CAPRIN2: variants seen among roughly 807,000 people sequenced by gnomAD.
The protein encoded by CAPRIN2 is caprin family member 2, also known as caprin-2.
A neutral mutation model predicts 130.4 loss-of-function variants in CAPRIN2; 66 were observed. The ratio of observed to expected loss-of-function variants is 0.51; its 90% CI spans 0.42 to 0.62. The LOEUF (loss-of-function observed/expected upper bound fraction) is 0.62, where lower values mean the gene tolerates loss of function less well. Among genes scored for constraint, CAPRIN2 ranks in the 20% least tolerant of loss-of-function variants. CAPRIN2 has a pLI of 0.00. For missense variants in CAPRIN2, 1,185 were observed against 1,246.6 expected, an observed-to-expected ratio of 0.95 and a Z score of 0.74; for synonymous variants, 471 against 444.1, an observed-to-expected ratio of 1.06 and a Z score of -0.76.
At chr12:30,711,028 T>C (rs1425110548) in intron 16 of CAPRIN2, among the ~76,000 whole-genome samples, 1 of 152,226 alleles carries the variant, frequency 6.6e-6, no homozygotes, top group African/African-American at 2.4e-5. Context: ...CAAAGGCAAA[T>C]TGAATACTAG....
intron 3 of CAPRIN2, among the ~76,000 whole-genome samples, chr12:30,735,970 A>G (rs1330533169): frequency 6.6e-6 from 1 of 151,906 alleles, no homozygotes; most frequent in Non-Finnish European, 1.5e-5. Context: ...GCAAAACCCC[A>G]TCTCTACAAA....
rs536158930 is a variant in CAPRIN2, at chr12:30,753,101, C to T, written c.420+243G>A. Among the ~76,000 whole-genome samples the T allele has an allele frequency of 5.9e-5, 9 of 152,334 alleles. No homozygotes were observed. The East Asian group carries it at 1.5e-3, about 26-fold the overall frequency. ...AATTAATCTCACCTAAAATAGCTAGCTCTTAAAGTATTTCAACAGCAGCAT... is the reference window on the plus strand; with the variant it reads ...AATTAATCTCACCTAAAATAGCTAGTTCTTAAAGTATTTCAACAGCAGCAT... On this transcript the variant is annotated intron_variant, in intron 1 of 16. Transcript: ENST00000298892.
chr12:30,740,294 T>TAC (rs2066844144), intron 3 of CAPRIN2, among the ~76,000 whole-genome samples: 2 of 152,016 alleles, frequency 1.3e-5, no homozygotes, highest in African/African-American at 4.8e-5. Context: ...AAATATAAAT[T>TAC]TTTTTAATGA....
At chr12:30,741,482 G>A (rs11051047) in intron 2 of CAPRIN2, among the ~76,000 whole-genome samples, 43,579 of 151,966 alleles carry the variant, frequency 0.29, 6,451 homozygotes, top group Non-Finnish European at 0.33. Context: ...GTATCAGAGA[G>A]ATGAACAAGC....
chr12:30,741,132 A>C, intron 2 of CAPRIN2, 26 bp from the exon 4 acceptor site: 1 of 1,388,306 alleles, frequency 7.2e-7, no homozygotes, highest in South Asian at 1.2e-5. Context: ...AGAAAACATA[A>C]ATTTTGTGAC....
Position 30,740,540 on chromosome 12 carries a change from G to T in CAPRIN2, c.570+480C>A, listed in dbSNP as rs142654018. Among the ~76,000 whole-genome samples, 5 of 152,210 alleles carry T rather than the reference G, an allele frequency of 3.3e-5. No individual in the cohort carries two copies. In the East Asian group the frequency reaches 9.6e-4, roughly 29 times the overall value. On this transcript the variant is annotated intron_variant, in intron 3 of 16. Coordinates refer to ENST00000298892, the Ensembl canonical transcript of CAPRIN2. ...CAACATAGAGAACCTAACAAGTAGT[G>T]AGGCCAGATTTAACTCTATTTAACA...
chr12:30,724,750 G>C (rs1191026494), intron 9 of CAPRIN2, among the ~76,000 whole-genome samples: 2 of 152,128 alleles, frequency 1.3e-5, no homozygotes, highest in African/African-American at 4.8e-5. Context: ...CAGCACTCTG[G>C]GAGGCTGAGG....
chr12:30,726,202 T>C (rs550955021), intron 8 of CAPRIN2, 114 bp from the exon 10 acceptor site: 94 of 867,530 alleles, frequency 1.1e-4, no homozygotes, highest in Middle Eastern at 7.4e-4. Context: ...TGTTCACTTA[T>C]CACAGGTAAA....
chr12:30,752,866 CT>C (rs1252194595), intron 1 of CAPRIN2, among the ~76,000 whole-genome samples: 1 of 152,242 alleles, frequency 6.6e-6, no homozygotes, highest in African/African-American at 2.4e-5. Context: ...ACAAGGCTGA[CT>C]ACCACGCTTT....
chr12:30,728,573 G>T (rs1417072175), intron 8 of CAPRIN2, 75 bp downstream of exon 9: 127 of 1,053,508 alleles, frequency 1.2e-4, no homozygotes, highest in Middle Eastern at 2.6e-4. Flanking sequence ...AAAAAAAAGA[G>T]AACTAAAAAG....
exon 13 of CAPRIN2, chr12:30,716,668 G>A (rs534456727): frequency 5.6e-6 from 9 of 1,613,448 alleles, no homozygotes; most frequent in East Asian, 4.5e-5. Flanking sequence ...GTGCATTAAC[G>A]TTAAATACCT....
intron 12 of CAPRIN2, chr12:30,720,046 A>G (rs1186904587): frequency 6.6e-6 from 1 of 152,242 alleles, no homozygotes; most frequent in Non-Finnish European, 1.5e-5. Flanking sequence ...ACTGTAACTT[A>G]GAATTGAAAT....
At chr12:30,735,065 C>T in exon 4 of CAPRIN2, 3 of 1,614,144 alleles carry the variant, frequency 1.9e-6, no homozygotes, top group Non-Finnish European at 2.5e-6. Context: ...TTCAAACCCC[C>T]TTTGAAGTCT....
chr12:30,710,997 A>G lies in CAPRIN2; in HGVS notation c.2666-527T>C, dbSNP rs1231528943. 1.3e-5 allele frequency among the ~76,000 whole-genome samples: 2 copies of G among 152,242 alleles called. No homozygotes were observed. Among genetic ancestry groups the G allele is most frequent in the African/African-American group, 2.4e-5 (1 of 41,462 alleles). On this transcript the variant is annotated intron_variant, in intron 16 of 16. Coordinates refer to ENST00000298892, the Ensembl canonical transcript of CAPRIN2. The surrounding 1 kb of genome is among the most constrained non-coding windows in gnomAD (Gnocchi z 4.8). ...CTTGTAATGTTTTAAGTGCCATACA[A>G]AAACACTGCTCACACTAAGGCAAAG...
chr12:30,728,949 G>A (rs1285883199), exon 8 of CAPRIN2: 1 of 1,614,096 alleles, frequency 6.2e-7, no homozygotes, highest in South Asian at 1.1e-5. Flanking sequence ...CCACAGCTTT[G>A]GTGTCTCCTG....
chr12:30,740,166 G>C (rs1045752852), intron 3 of CAPRIN2, among the ~76,000 whole-genome samples: 1 of 152,110 alleles, frequency 6.6e-6, no homozygotes, highest in Admixed American at 6.6e-5. Context: ...CATTTTGGGA[G>C]GCCAAGGCAG....
intron 2 of CAPRIN2, among the ~76,000 whole-genome samples, chr12:30,745,144 G>A (rs2069407032): frequency 1.3e-5 from 2 of 152,010 alleles, no homozygotes; most frequent in East Asian, 3.9e-4. Flanking sequence ...ATGTAACAAG[G>A]GATCACAGTT....
rs1209654931 is a variant in CAPRIN2 at position 30,711,641 on chromosome 12, A to G, written c.2602-12T>C. 4.4e-6 allele frequency: 7 copies of G among 1,608,196 alleles called. No homozygotes were observed. Among genetic ancestry groups the G allele is most frequent in the African/African-American group, 2.7e-5 (2 of 74,816 alleles). On this transcript the variant is annotated splice_polypyrimidine_tract_variant and intron_variant, in intron 15 of 16. Transcript: ENST00000298892. Reference sequence around the variant, plus strand: ...TGCTGGAAATTATCCTAAAGTGAACATATAATATTTACCTTGGCATCAAAA... The same window carrying G: ...TGCTGGAAATTATCCTAAAGTGAACGTATAATATTTACCTTGGCATCAAAA...
At chr12:30,730,195 A>T in intron 7 of CAPRIN2, 44 bp downstream of exon 8, 1 of 1,521,800 alleles carries the variant, frequency 6.6e-7, no homozygotes, top group Non-Finnish European at 9.1e-7. Context: ...CCTATGCAAA[A>T]GGCTGAAAAA....
Sources: gnomAD v4.1 joint callset for allele counts (sites outside exome capture counted in the v4.1 genomes callset) on GRCh38, gnomAD v4.1.1 for gene constraint, Gnocchi (gnomAD v3.1) non-coding constraint, MANE v1.5 for transcripts, NCBI Gene and HGNC (gene_info 2026-07-23, HGNC 2026-07-21) for gene names.